PIBF1: variants seen among roughly 807,000 people sequenced by gnomAD.
PIBF1 encodes the protein progesterone-induced-blocking factor 1.
PIBF1 carries 90 observed loss-of-function variants against 112.5 expected under a neutral mutation model. The observed-to-expected ratio is 0.80, with a 90% CI of 0.67 to 0.95. The LOEUF (loss-of-function observed/expected upper bound fraction) is 0.95, where lower values mean the gene tolerates loss of function less well. PIBF1 is among the 40% of genes least tolerant of loss of function. The probability of loss-of-function intolerance (pLI) is 0.00; values close to 1 mark genes in which losing one functional copy is unlikely to be tolerated. For synonymous variants in PIBF1, 301 were observed against 288.6 expected, an observed-to-expected ratio of 1.04 and a Z score of -0.44; for missense variants, 915 against 852.3, an observed-to-expected ratio of 1.07 and a Z score of -0.92.
intron 10 of PIBF1, among the ~76,000 whole-genome samples, chr13:72,859,072 T>C (rs1412812235): frequency 6.6e-6 from 1 of 152,138 alleles, no homozygotes; most frequent in Non-Finnish European, 1.5e-5. Flanking sequence ...TTGTCAGACG[T>C]GATGTTTCTA....
rs536264599 is a variant in PIBF1, at chr13:72,943,063, G to A, written c.1833+11796G>A. Among the ~76,000 whole-genome samples the A allele has an allele frequency of 1.6e-4, 25 of 152,130 alleles. 1 individual carries two copies. In the Middle Eastern group the frequency reaches 0.01, roughly 63 times the overall value. ...ATTTATTTCATTACTAGAAATACAA[G>A]GCTTAAAAAATAACACTTAGATGAG... On this transcript the variant is annotated intron_variant, in intron 14 of 17. Transcript: ENST00000326291.
intron 16 of PIBF1, among the ~76,000 whole-genome samples, chr13:72,992,706 G>C (rs556339326): frequency 6.6e-6 from 1 of 152,186 alleles, no homozygotes; most frequent in Non-Finnish European, 1.5e-5. Context: ...AGCTGCCAAG[G>C]AGGCTGAGGT....
chr13:72,998,753 T>C (rs931940923), intron 16 of PIBF1, 69 bp from the exon 17 acceptor site: 3 of 978,104 alleles, frequency 3.1e-6, no homozygotes, highest in Non-Finnish European at 4.6e-6. Context: ...AATATTTTAA[T>C]ATTAATCATT....
At chr13:72,917,749 G>A (rs2041152227) in intron 13 of PIBF1, among the ~76,000 whole-genome samples, 1 of 152,104 alleles carries the variant, frequency 6.6e-6, no homozygotes, top group South Asian at 2.1e-4. Flanking sequence ...ATGGATGATT[G>A]CATCTATGCT....
At chr13:72,969,464 T>G (rs539711635) in intron 15 of PIBF1, 1 of 152,330 alleles carries the variant, frequency 6.6e-6, no homozygotes, top group African/African-American at 2.4e-5. Context: ...AATCTTATTC[T>G]TAATTGAAGC....
intron 5 of PIBF1, among the ~76,000 whole-genome samples, chr13:72,807,749 A>G (rs1001384065): frequency 2.0e-5 from 3 of 152,214 alleles, no homozygotes; most frequent in African/African-American, 7.2e-5. Flanking sequence ...TTTAATAACT[A>G]TCAATCAGCT....
chr13:72,973,830 A>G, intron 16 of PIBF1, 155 bp downstream of exon 16: 2 of 547,528 alleles, frequency 3.7e-6, no homozygotes, highest in Non-Finnish European at 6.5e-6. Context: ...TCAACTTTTG[A>G]TATACTTCTT....
intron 9 of PIBF1, chr13:72,836,016 A>G (rs1354328717): frequency 2.3e-5 from 9 of 387,150 alleles, no homozygotes; most frequent in South Asian, 1.6e-4. Flanking sequence ...GGAGAATGGC[A>G]TGAACCGGGG....
At chr13:72,869,742 CTG>C (rs1247314440) in intron 10 of PIBF1, among the ~76,000 whole-genome samples, 4 of 151,928 alleles carry the variant, frequency 2.6e-5, no homozygotes, top group Non-Finnish European at 5.9e-5. Flanking sequence ...GTTTTAGACA[CTG>C]TTTATAAAGT....
intron 8 of PIBF1, among the ~76,000 whole-genome samples, chr13:72,831,732 G>A (rs945241532): frequency 2.6e-5 from 4 of 152,176 alleles, no homozygotes; most frequent in Middle Eastern, 3.4e-3. Flanking sequence ...TGTTGATTTG[G>A]GTGGAGAGTT....
chr13:72,912,905 G>A (rs796471765), intron 12 of PIBF1, among the ~76,000 whole-genome samples: 1 of 150,982 alleles, frequency 6.6e-6, no homozygotes, highest in East Asian at 1.9e-4. Flanking sequence ...TATGATTATA[G>A]TATATGGTAT....
At chr13:72,879,767 G>A (rs909660044) in intron 10 of PIBF1, among the ~76,000 whole-genome samples, 1 of 152,052 alleles carries the variant, frequency 6.6e-6, no homozygotes, top group Admixed American at 6.6e-5. Flanking sequence ...GCTAAGATTG[G>A]TTTGTGTGGT....
At chr13:72,855,345 A>G (rs2038370891) in intron 10 of PIBF1, among the ~76,000 whole-genome samples, 1 of 152,208 alleles carries the variant, frequency 6.6e-6, no homozygotes, top group Non-Finnish European at 1.5e-5. Flanking sequence ...ATATTGAAGA[A>G]GTCATTCCTA....
At chr13:72,894,770 ATAGT>A (rs1289635677) in intron 11 of PIBF1, among the ~76,000 whole-genome samples, 20 of 108,484 alleles carry the variant, frequency 1.8e-4, no homozygotes, top group Admixed American at 1.8e-3. Context: ...ATATATATAT[ATAGT>A]GTGTGTGTGT....
chr13:72,968,894 T>G (rs2042819749), intron 15 of PIBF1, among the ~76,000 whole-genome samples: 1 of 151,532 alleles, frequency 6.6e-6, no homozygotes, highest in Admixed American at 6.6e-5. Context: ...ACAGAAAAAT[T>G]TGCCAGTGTG....
chr13:72,927,968 T>TATACACAC (rs1566457948), intron 13 of PIBF1, among the ~76,000 whole-genome samples: 1 of 122,476 alleles, frequency 8.2e-6, no homozygotes, highest in Admixed American at 9.0e-5. Flanking sequence ...TACACATATA[T>TATACACAC]ATATATATAC....
intron 2 of PIBF1, among the ~76,000 whole-genome samples, chr13:72,784,850 T>G (rs946039302): frequency 6.6e-6 from 1 of 152,170 alleles, no homozygotes; most frequent in African/African-American, 2.4e-5. Context: ...ATTTAAAAAA[T>G]CTAACATATG....
chr13:72,964,677 A>T (rs968201437), intron 14 of PIBF1, among the ~76,000 whole-genome samples: 1 of 152,208 alleles, frequency 6.6e-6, no homozygotes, highest in Non-Finnish European at 1.5e-5. Context: ...TTTTAAAAAG[A>T]TATATTTTAT....
rs2044382391 is a variant in PIBF1, at chr13:73,016,409, A to G, written c.*490A>G. The G allele has an allele frequency of 1.3e-5, 2 of 152,284 alleles. No individual in the cohort carries two copies. Among genetic ancestry groups the G allele is most frequent in the South Asian group, 4.1e-4 (2 of 4,830 alleles). The allele number at this position is 152,284 out of a possible 1,614,324, so 9.4% of individuals were successfully genotyped here. On this transcript the variant is annotated 3_prime_UTR_variant, in exon 18 of 18. Transcript: ENST00000326291. ...TTTTTTTCTTATATTTTATATTACCATTAACCAATAAAATCTGGCAGAAAG... is the reference window on the plus strand; with the variant it reads ...TTTTTTTCTTATATTTTATATTACCGTTAACCAATAAAATCTGGCAGAAAG...
Sources: gnomAD v4.1 joint callset for allele counts (sites outside exome capture counted in the v4.1 genomes callset) on GRCh38, gnomAD v4.1.1 for gene constraint, MANE v1.5 for transcripts, NCBI Gene and HGNC (gene_info 2026-07-23, HGNC 2026-07-21) for gene names.